The following FARP1 variants were observed in gnomAD, a reference collection of about 807,000 sequenced individuals.
FARP1 encodes FERM, ARH/RhoGEF and pleckstrin domain protein 1.
FARP1 carries 52 observed loss-of-function variants against 128.8 expected under a neutral mutation model. The ratio of observed to expected loss-of-function variants is 0.40; its 90% CI spans 0.32 to 0.51. FARP1 has a LOEUF of 0.51. Ranked by LOEUF, FARP1 falls within the 20% of genes least tolerant of loss-of-function variation. The probability of loss-of-function intolerance (pLI) is 0.45; values close to 1 mark genes in which losing one functional copy is unlikely to be tolerated. For missense variants in FARP1, 1,333 were observed against 1,367.9 expected, an observed-to-expected ratio of 0.97 and a Z score of 0.40; for synonymous variants, 580 against 551.8, an observed-to-expected ratio of 1.05 and a Z score of -0.72.
Position 98,176,044 on chromosome 13 carries a change from T to C in FARP1, c.-24+32552T>C. On this transcript the variant is annotated intron_variant, in intron 1 of 26. Coordinates refer to ENST00000319562, the MANE Select transcript of FARP1 (RefSeq NM_005766.4). This position sits in a 1 kb window ranked among gnomAD's most constrained non-coding sequence, Gnocchi z 6.2. ...TGGGAGTGCACATACCTCTTTGAGA[T>C]CCGGATTTCAATTCTTTTGGTTACA... 1 of 928,752 alleles carries C rather than the reference T, an allele frequency of 1.1e-6. No individual in the cohort carries two copies. Among genetic ancestry groups the C allele is most frequent in the Non-Finnish European group, 1.7e-6 (1 of 589,746 alleles). 57.5% of individuals were successfully genotyped at this position (928,752 alleles called of 1,614,324 possible). A position where few individuals can be genotyped will look rare whatever the true frequency, so the allele number is the denominator to read the frequency against.
chr13:98,259,526 GC>G (rs1883771456), intron 2 of FARP1, among the ~76,000 whole-genome samples: 1 of 152,160 alleles, frequency 6.6e-6, no homozygotes, highest in South Asian at 2.1e-4. Context: ...TTCACCGTGA[GC>G]AGGGGACCAG....
intron 2 of FARP1, among the ~76,000 whole-genome samples, chr13:98,337,049 G>A (rs1887774342): frequency 6.6e-6 from 1 of 152,080 alleles, no homozygotes; most frequent in African/African-American, 2.4e-5. Flanking sequence ...CCCAGCCCCA[G>A]CACAAACCCT....
At chr13:98,344,670 G>A (rs936659944) in intron 3 of FARP1, among the ~76,000 whole-genome samples, 1 of 152,208 alleles carries the variant, frequency 6.6e-6, no homozygotes, top group African/African-American at 2.4e-5. Context: ...AAGAGAAGGT[G>A]GCCACAGGTG....
chr13:98,419,635 A>G (rs778512633), intron 16 of FARP1, among the ~76,000 whole-genome samples: 51 of 152,278 alleles, frequency 3.3e-4, no homozygotes, highest in Non-Finnish European at 6.0e-4. Context: ...TTTCACTTAC[A>G]TAGACACACA....
chr13:98,438,594 T>G (rs1353519836), intron 19 of FARP1, among the ~76,000 whole-genome samples: 1 of 152,158 alleles, frequency 6.6e-6, no homozygotes, highest in Non-Finnish European at 1.5e-5. Context: ...GTGCAGTGAA[T>G]CGCAGCTGAG....
In FARP1 at chr13:98,176,066, T is replaced by C. The variant is rs951974326; in HGVS notation, c.-24+32574T>C. ...AGATCCGGATTTCAATTCTTTTGGT[T>C]ACATACTCAGGCATGGGATTGCAGG... On this transcript the variant is annotated intron_variant, in intron 1 of 26. Transcript: ENST00000319562. This position sits in a 1 kb window ranked among gnomAD's most constrained non-coding sequence, Gnocchi z 6.2. 7 of 1,067,908 alleles carry C rather than the reference T, an allele frequency of 6.6e-6. No individual in the cohort carries two copies. Among genetic ancestry groups the C allele is most frequent in the African/African-American group, 1.6e-5 (1 of 63,060 alleles). 66.2% of individuals were successfully genotyped at this position (1,067,908 alleles called of 1,614,324 possible). A position where few individuals can be genotyped will look rare whatever the true frequency, so the allele number is the denominator to read the frequency against.
chr13:98,244,299 C>G (rs1270866464), intron 2 of FARP1, among the ~76,000 whole-genome samples: 1 of 151,534 alleles, frequency 6.6e-6, no homozygotes, highest in Non-Finnish European at 1.5e-5. Context: ...AAAAATTGTA[C>G]ATAACTAATG....
Position 98,363,173 on chromosome 13 carries a change from T to C in FARP1, c.277-2222T>C, listed in dbSNP as rs868219863. On this transcript the variant is annotated intron_variant, in intron 3 of 26. Coordinates refer to ENST00000319562, the MANE Select transcript of FARP1 (RefSeq NM_005766.4). The stretch of plus-strand genomic sequence containing the variant: ...AGGACCAAGCGTCTGAATGTGGCCT[T>C]GGCGGGGCCAGGCCTCTTCCTGACC... Among the ~76,000 whole-genome samples, 17 of 152,310 alleles carry C rather than the reference T, an allele frequency of 1.1e-4. No homozygotes were observed. The South Asian group carries it at 1.2e-3, about 11-fold the overall frequency.
intron 1 of FARP1, among the ~76,000 whole-genome samples, chr13:98,200,387 A>C (rs897015757): frequency 0.012 from 1,526 of 127,080 alleles, no homozygotes; most frequent in Middle Eastern, 0.029. Context: ...TGCAACCTTC[A>C]CCCCCCCCCC....
chr13:98,157,179 A>G (rs73559581), intron 1 of FARP1, among the ~76,000 whole-genome samples: 57 of 152,312 alleles, frequency 3.7e-4, no homozygotes, highest in African/African-American at 1.3e-3. Context: ...GTAGTCAAGA[A>G]AAGTTTTGGT....
At chr13:98,317,160 A>C (rs1209560149) in intron 2 of FARP1, among the ~76,000 whole-genome samples, 5 of 152,228 alleles carry the variant, frequency 3.3e-5, no homozygotes, top group Non-Finnish European at 7.3e-5. Context: ...AGTTTGGCCA[A>C]AGCTAATCCT....
chr13:98,167,858 A>G (rs1278847050), intron 1 of FARP1, among the ~76,000 whole-genome samples: 1 of 152,186 alleles, frequency 6.6e-6, no homozygotes, highest in Non-Finnish European at 1.5e-5. Context: ...ACGAATAAAG[A>G]GCCTTCCAAT....
At chr13:98,233,864 G>T (rs1882279622) in intron 2 of FARP1, 1 of 152,188 alleles carries the variant, frequency 6.6e-6, no homozygotes, top group Non-Finnish European at 1.5e-5. Flanking sequence ...TCTCAGAAAG[G>T]TTCAGGCTGT....
At chr13:98,358,035 G>A (rs1237400914) in intron 3 of FARP1, among the ~76,000 whole-genome samples, 1 of 151,630 alleles carries the variant, frequency 6.6e-6, no homozygotes, top group Non-Finnish European at 1.5e-5. Context: ...TCCTGGCCCT[G>A]TGAGCACTAG....
rs1884693924 is a variant in FARP1, at chr13:98,277,141, CACACACA to C, written c.171+63729_171+63735del. 7.0e-5 allele frequency among the ~76,000 whole-genome samples: 10 copies of C among 142,528 alleles called. No individual in the cohort carries two copies. In the South Asian group the frequency reaches 1.4e-3, roughly 19 times the overall value. 93.5% of individuals were successfully genotyped at this position (142,528 alleles called of 152,430 possible). ...ACACACACACACACACACACACACA[CACACACA>C]CCCCATATGTATATATTAGAAGCAG... On this transcript the variant is annotated intron_variant, in intron 2 of 26. Coordinates refer to ENST00000319562, the MANE Select transcript of FARP1 (RefSeq NM_005766.4).
intron 2 of FARP1, among the ~76,000 whole-genome samples, chr13:98,268,357 TC>T (rs549379208): frequency 1.6e-3 from 244 of 152,282 alleles, no homozygotes; most frequent in African/African-American, 5.7e-3. Flanking sequence ...TATGGAGGAT[TC>T]AGCTGAAGAT....
chr13:98,435,951 A>G (rs1407193156), intron 19 of FARP1: 1 of 568,750 alleles, frequency 1.8e-6, no homozygotes, highest in East Asian at 4.1e-5. Flanking sequence ...TCGCTTCTTT[A>G]CCTTTTCCCC....
intron 2 of FARP1, among the ~76,000 whole-genome samples, chr13:98,266,403 C>G (rs1451672013): frequency 6.6e-6 from 1 of 152,142 alleles, no homozygotes; most frequent in Non-Finnish European, 1.5e-5. Flanking sequence ...CTCTGTAAAG[C>G]AGGATTCACA....
At chr13:98,330,827 T>C (rs1887477338) in intron 2 of FARP1, among the ~76,000 whole-genome samples, 1 of 151,734 alleles carries the variant, frequency 6.6e-6, no homozygotes, top group South Asian at 2.1e-4. Flanking sequence ...AGTTCCTGAG[T>C]GTCATGAGTG....
Sources: gnomAD v4.1 joint callset for allele counts (sites outside exome capture counted in the v4.1 genomes callset) on GRCh38, gnomAD v4.1.1 for gene constraint, Gnocchi (gnomAD v3.1) non-coding constraint, MANE v1.5 for transcripts, NCBI Gene and HGNC (gene_info 2026-07-23, HGNC 2026-07-21) for gene names.